ESRRB: variants seen among roughly 807,000 people sequenced by gnomAD.
ESRRB encodes steroid hormone receptor ERR2.
ESRRB carries 16 observed loss-of-function variants against 46.0 expected under a neutral mutation model. The ratio of observed to expected loss-of-function variants is 0.35; its 90% CI spans 0.24 to 0.53. The LOEUF is 0.53. Ranked by LOEUF, ESRRB falls within the 20% of genes least tolerant of loss-of-function variation. The pLI, the probability that ESRRB is intolerant of heterozygous loss-of-function variation, is 0.93. For synonymous variants in ESRRB, 246 were observed against 259.6 expected, an observed-to-expected ratio of 0.95 and a Z score of 0.50; for missense variants, 488 against 607.4, an observed-to-expected ratio of 0.80 and a Z score of 2.07.
At position 76,312,260 on chromosome 14, in the gene ESRRB, G is replaced by A. The variant is rs546988688; in HGVS notation, c.2+1344G>A. On this transcript the variant is annotated intron_variant, in intron 1 of 6. Coordinates refer to the ESRRB transcript ENST00000512784. ...GAAACCAGTTAGTTTCATCTAACTC[G>A]ATGAAAGTTAAATAAATATGGATAT... 5.3e-5 allele frequency among the ~76,000 whole-genome samples: 8 copies of A among 152,208 alleles called. No individual in the cohort carries two copies. The East Asian group carries it at 7.7e-4, about 15-fold the overall frequency.
intron 6 of ESRRB, among the ~76,000 whole-genome samples, chr14:76,497,614 A>G (rs1271709140): frequency 6.6e-6 from 1 of 152,148 alleles, no homozygotes; most frequent in Non-Finnish European, 1.5e-5. Context: ...CTCAGCCCCT[A>G]TATCTGTGCC....
At chr14:76,314,082 A>G (rs1264496663) in intron 1 of ESRRB, among the ~76,000 whole-genome samples, 1 of 152,194 alleles carries the variant, frequency 6.6e-6, no homozygotes. Flanking sequence ...CTCCAAAAGC[A>G]GGGTTTCTGC....
intron 6 of ESRRB, 133 bp from the exon 7 acceptor site, chr14:76,498,081 T>G: frequency 1.9e-6 from 2 of 1,047,278 alleles, no homozygotes; most frequent in South Asian, 2.6e-5. Context: ...GGCCTCAGAT[T>G]GGCTCTCTGT....
intron 1 of ESRRB, among the ~76,000 whole-genome samples, chr14:76,398,287 C>G (rs1885785386): frequency 6.6e-6 from 1 of 152,180 alleles, no homozygotes; most frequent in African/African-American, 2.4e-5. Flanking sequence ...GTAGCACCCC[C>G]AAAGTCACAG....
At chr14:76,355,355 G>A (rs1884366982) in intron 1 of ESRRB, among the ~76,000 whole-genome samples, 1 of 152,130 alleles carries the variant, frequency 6.6e-6, no homozygotes, top group Non-Finnish European at 1.5e-5. Context: ...CACCACTCAT[G>A]TTTCCCTCAC....
intron 3 of ESRRB, among the ~76,000 whole-genome samples, chr14:76,477,122 C>T (rs1361131475): frequency 6.6e-6 from 1 of 152,192 alleles, no homozygotes; most frequent in Non-Finnish European, 1.5e-5. Context: ...AAGGCCGCTT[C>T]ACTTTGGTGG....
At chr14:76,476,912 CCAG>C (rs1185708427) in intron 3 of ESRRB, among the ~76,000 whole-genome samples, 1 of 152,198 alleles carries the variant, frequency 6.6e-6, no homozygotes, top group African/African-American at 2.4e-5. Flanking sequence ...CAAAACCGTT[CCAG>C]AAGTCCTGCC....
intron 1 of ESRRB, among the ~76,000 whole-genome samples, chr14:76,358,351 G>GA (rs1238531978): frequency 2.0e-4 from 7 of 34,488 alleles, no homozygotes; most frequent in Non-Finnish European, 3.6e-4. Context: ...AAGAAAGAAA[G>GA]AAAGAAAGAA....
chr14:76,313,802 T>TC (rs1358352635), intron 1 of ESRRB, among the ~76,000 whole-genome samples: 14 of 152,206 alleles, frequency 9.2e-5, no homozygotes, highest in Admixed American at 9.2e-4. Flanking sequence ...ACTCTTTCTG[T>TC]CCCTCCTGCT....
chr14:76,352,400 C>T (rs1884324833), intron 1 of ESRRB, among the ~76,000 whole-genome samples: 2 of 152,172 alleles, frequency 1.3e-5, no homozygotes, highest in East Asian at 1.9e-4. Context: ...GCCTAGCAAG[C>T]GGGAACGTAT....
At chr14:76,338,848 C>T (rs1028650033) in intron 1 of ESRRB, among the ~76,000 whole-genome samples, 2 of 152,164 alleles carry the variant, frequency 1.3e-5, no homozygotes, top group African/African-American at 2.4e-5. Context: ...GAGACTGAGG[C>T]AGGAGAATCT....
At chr14:76,449,124 C>T (rs1024399198) in intron 2 of ESRRB, among the ~76,000 whole-genome samples, 1 of 152,134 alleles carries the variant, frequency 6.6e-6, no homozygotes, top group African/African-American at 2.4e-5. Context: ...ACGTCCTACA[C>T]CATAAGGGGA....
intron 1 of ESRRB, among the ~76,000 whole-genome samples, chr14:76,399,045 C>T (rs1217092854): frequency 1.3e-5 from 2 of 152,120 alleles, no homozygotes; most frequent in Non-Finnish European, 2.9e-5. Flanking sequence ...GAACTCAGTA[C>T]ACTGGGGACT....
At chr14:76,374,530 T>C (rs1181019522), upstream of ESRRB, among the ~76,000 whole-genome samples, 2 of 152,080 alleles carry the variant, frequency 1.3e-5, no homozygotes, top group African/African-American at 2.4e-5. Flanking sequence ...AACGGGACAT[T>C]GGATGTGCAT....
chr14:76,377,819 G>T (rs1017176246), intron 1 of ESRRB, among the ~76,000 whole-genome samples: 1 of 152,170 alleles, frequency 6.6e-6, no homozygotes, highest in African/African-American at 2.4e-5. Flanking sequence ...CCACAGCATG[G>T]CTTGTGTTGT....
intron 1 of ESRRB, among the ~76,000 whole-genome samples, chr14:76,320,165 C>T (rs1182972986): frequency 6.6e-6 from 1 of 152,142 alleles, no homozygotes; most frequent in Non-Finnish European, 1.5e-5. Context: ...TGTTATTAAA[C>T]CTGTGGAATC....
intron 1 of ESRRB, among the ~76,000 whole-genome samples, chr14:76,379,987 CG>C (rs1396673378): frequency 1.3e-5 from 2 of 151,670 alleles, no homozygotes. Context: ...AGGGGACTTT[CG>C]GGGAAAGCAC....
intron 1 of ESRRB, among the ~76,000 whole-genome samples, chr14:76,436,592 A>C (rs1174503628): frequency 6.6e-6 from 1 of 152,160 alleles, no homozygotes; most frequent in African/African-American, 2.4e-5. Flanking sequence ...GGTCAGCTCT[A>C]TTCTGCCTGC....
chr14:76,408,836 T>C (rs1046354332), intron 1 of ESRRB, among the ~76,000 whole-genome samples: 13 of 152,220 alleles, frequency 8.5e-5, no homozygotes, highest in Admixed American at 7.8e-4. Context: ...AATGTGGCCA[T>C]GTGGAGAAGT....
Sources: allele counts gnomAD v4.1 joint callset (sites outside exome capture counted in the v4.1 genomes callset), GRCh38; gene constraint gnomAD v4.1.1; transcripts MANE v1.5; gene names NCBI Gene and HGNC (gene_info 2026-07-23, HGNC 2026-07-21).